Variants in GJC1 observed in about 807,000 individuals in gnomAD.
GJC1 encodes gap junction gamma-1 protein.
GJC1 carries 5 observed loss-of-function variants against 29.3 expected under a neutral mutation model. The ratio of observed to expected loss-of-function variants is 0.17; its 90% CI spans 0.09 to 0.36. The LOEUF is 0.36. GJC1 is among the 10% of genes least tolerant of loss of function. GJC1 has a pLI of 1.00. For missense variants in GJC1, 310 were observed against 496.2 expected (o/e 0.62, Z 3.56); for synonymous variants, 177 against 183.3 (o/e 0.97, Z 0.28).
Position 44,804,768 on chromosome 17 carries a change from A to T in GJC1, c.1050T>A (p.Asp350Glu), listed in dbSNP as rs987627548. The change falls in exon 3 of 3, where the codon GAT becomes GAA. Residue 350 changes from aspartate (D) to glutamate (E), a missense_variant. Coordinates refer to ENST00000592524, the MANE Select transcript of GJC1 (RefSeq NM_005497.4). ...REIRMAQERL[D>E]LAVQAYSHQN... is the part of the protein sequence containing the mutation. ...GGTGACTGTAGGCCTGAACTGCCAGATCCAAGCGTTCCTGAGCCATCCTGA... is the reference window on the plus strand; with the variant it reads ...GGTGACTGTAGGCCTGAACTGCCAGTTCCAAGCGTTCCTGAGCCATCCTGA... 1.6e-5 allele frequency: 26 copies of T among 1,614,016 alleles called. No homozygotes were observed. Among genetic ancestry groups the T allele is most frequent in the Non-Finnish European group, 2.1e-5 (25 of 1,180,034 alleles).
chr17:44,806,350 C>T (rs1203209706), intron 2 of GJC1, among the ~76,000 whole-genome samples: 2 of 151,000 alleles, frequency 1.3e-5, no homozygotes, highest in East Asian at 3.9e-4. Flanking sequence ...AAAAGGTAAA[C>T]TTGTAGCTAC....
In GJC1 at chr17:44,814,265, C is replaced by T. The variant is rs140236251; in HGVS notation, c.-96-6796G>A. On this transcript the variant is annotated intron_variant, in intron 1 of 2. Transcript: ENST00000592524. ...ATGCCATTCTCCCGCCTCAGCCTCC[C>T]GAGAAGCTGGGACTACAGGTGCCCG... Among the ~76,000 whole-genome samples, 1,116 of 151,966 alleles carry T rather than the reference C, an allele frequency of 7.3e-3. 14 individuals are homozygous for T. Among genetic ancestry groups the T allele is most frequent in the East Asian group, 0.035 (179 of 5,136 alleles).
chr17:44,805,098 G>A lies in GJC1; in HGVS notation c.720C>T (p.Gly240=). 6.2e-7 allele frequency: 1 copy of A among 1,613,962 alleles called. No homozygotes were observed. Among genetic ancestry groups the A allele is most frequent in the Non-Finnish European group, 8.5e-7 (1 of 1,179,860 alleles). The change falls in exon 3 of 3, where the codon GGC becomes GGT. Residue 240 remains glycine, a synonymous_variant. Coordinates refer to ENST00000592524, the MANE Select transcript of GJC1 (RefSeq NM_005497.4). This position sits in a 1 kb window ranked among gnomAD's most constrained non-coding sequence, Gnocchi z 5.1. The part of the protein sequence containing the change: ...IFLLIMYGVT[G]LCLLLNIWEM... ...CCCAAATGTTAAGCAAGAGGCAAAG[G>A]CCTGTAACACCATACATTATCAGAA...
rs763785219 is a variant in GJC1 at position 44,804,988 on chromosome 17, T to A, written c.830A>T (p.Tyr277Phe). ...AGATGGTGTATTCCAAGTGAAAGGA[T>A]AATTATAAGCACCCGGATCCTCAAG... ...RELEDPGAYN[Y>F]PFTWNTPSAP... is the part of the protein sequence containing the mutation. Residue 277 changes from tyrosine (Y) to phenylalanine (F), a missense_variant, in exon 3 of 3, where the codon TAT becomes TTT. Physicochemically the swap from Tyr to Phe is conservative, Grantham distance 22 (BLOSUM62 3). Coordinates refer to ENST00000592524, the MANE Select transcript of GJC1 (RefSeq NM_005497.4). The A allele has an allele frequency of 2.5e-6, 4 of 1,614,070 alleles. No homozygotes were observed. Among genetic ancestry groups the A allele is most frequent in the Non-Finnish European group, 3.4e-6 (4 of 1,179,992 alleles).
intron 1 of GJC1, among the ~76,000 whole-genome samples, chr17:44,811,680 C>T (rs2049983363): frequency 6.6e-6 from 1 of 152,100 alleles, no homozygotes; most frequent in South Asian, 2.1e-4. Flanking sequence ...AGCCACTATG[C>T]CTGGCCTCTT....
chr17:44,809,553 A>G (rs1248469938), intron 1 of GJC1, among the ~76,000 whole-genome samples: 2 of 151,752 alleles, frequency 1.3e-5, no homozygotes, highest in Admixed American at 6.6e-5. Flanking sequence ...ATCTCCATCC[A>G]CAAAGATAAA....
Position 44,804,984 on chromosome 17 carries a change from A to T in GJC1, c.834T>A (p.Pro278=). The T allele has an allele frequency of 6.2e-7, 1 of 1,614,112 alleles. No homozygotes were observed. Among genetic ancestry groups the T allele is most frequent in the Non-Finnish European group, 8.5e-7 (1 of 1,179,994 alleles). ...ELEDPGAYNY[P]FTWNTPSAPP... The stretch of plus-strand genomic sequence containing the variant: ...GAGCAGATGGTGTATTCCAAGTGAA[A>T]GGATAATTATAAGCACCCGGATCCT... Residue 278 remains proline (P), a synonymous_variant, in exon 3 of 3, where the codon CCT becomes CCA. Transcript: ENST00000592524.
Position 44,804,759 on chromosome 17 carries a change from AACTGCC to A in GJC1, c.1053_1058del (p.Ala352_Val353del). 1.2e-6 allele frequency: 2 copies of A among 1,614,130 alleles called. No individual in the cohort carries two copies. Among genetic ancestry groups the A allele is most frequent in the Non-Finnish European group, 1.7e-6 (2 of 1,180,024 alleles). ...GGTTGTTTTGGTGACTGTAGGCCTG[AACTGCC>A]AGATCCAAGCGTTCCTGAGCCATCC... On this transcript the variant is annotated inframe_deletion, in exon 3 of 3. Transcript: ENST00000592524.
rs150803537 is a variant in GJC1, at chr17:44,817,546, A to G, written c.-96-10077T>C. 3.4e-3 allele frequency among the ~76,000 whole-genome samples: 523 copies of G among 152,032 alleles called. 4 individuals carry two copies. Among genetic ancestry groups the G allele is most frequent in the African/African-American group, 0.012 (499 of 41,478 alleles). On this transcript the variant is annotated intron_variant, in intron 1 of 2. Transcript: ENST00000592524. Reference sequence around the variant, plus strand: ...ACCAAGATGGAGAAACCCTGTCTCTACTAAAAATACAATATTAGCCAGGCG... The same window carrying G: ...ACCAAGATGGAGAAACCCTGTCTCTGCTAAAAATACAATATTAGCCAGGCG...
rs1166235900 is a variant in GJC1, at chr17:44,799,134, G to C, written c.*5493C>G. On this transcript the variant is annotated 3_prime_UTR_variant, in exon 3 of 3. Transcript: ENST00000592524. Reference sequence around the variant, plus strand: ...CTGCCTTGGCCTCCCAAAGTGTTGGGATTACAGGCATAAGCCACCACACCC... The same window carrying C: ...CTGCCTTGGCCTCCCAAAGTGTTGGCATTACAGGCATAAGCCACCACACCC... 1 of 152,198 alleles carries C rather than the reference G, an allele frequency of 6.6e-6. No homozygotes were observed. Among genetic ancestry groups the C allele is most frequent in the Non-Finnish European group, 1.5e-5 (1 of 68,102 alleles). 9.4% of individuals were successfully genotyped at this position (152,198 alleles called of 1,614,324 possible). A position where few individuals can be genotyped will look rare whatever the true frequency, so the allele number is the denominator to read the frequency against.
chr17:44,804,662 T>C lies in GJC1; in HGVS notation c.1156A>G (p.Lys386Glu). 6.2e-7 allele frequency: 1 copy of C among 1,613,978 alleles called. No homozygotes were observed. Among genetic ancestry groups the C allele is most frequent in the Non-Finnish European group, 8.5e-7 (1 of 1,179,928 alleles). Residue 386 changes from lysine to glutamate, a missense_variant, in exon 3 of 3, where the codon AAA (lysine) becomes GAA (glutamate). Transcript: ENST00000592524. ...AGSNKSTASS[K>E]SGDGKTSVWI ...ACGGAGGTCTTCCCATCCCCTGATT[T>C]GCTACTGGCAGTGCTTTTGTTGGAC... is the stretch of plus-strand genomic sequence containing the variant.
At chr17:44,813,529 G>A (rs1482615635) in intron 1 of GJC1, among the ~76,000 whole-genome samples, 1 of 112,892 alleles carries the variant, frequency 8.9e-6, no homozygotes, top group Non-Finnish European at 1.7e-5. Context: ...GTCTCTCTCT[G>A]TCGCCCAGGC....
rs2049901306 is a variant in GJC1, at chr17:44,805,367, C to T, written c.451G>A (p.Glu151Lys). The T allele has an allele frequency of 1.9e-6, 3 of 1,614,072 alleles. No individual in the cohort carries two copies. The highest frequency in any genetic ancestry group is 1.3e-5 in the African/African-American group (1 of 74,928). Residue 151 changes from glutamate to lysine, a missense_variant, in exon 3 of 3, where the codon GAA becomes AAA. Glu to Lys is a moderately conservative substitution (Grantham distance 56). Transcript: ENST00000592524. This position sits in a 1 kb window ranked among gnomAD's most constrained non-coding sequence, Gnocchi z 5.1. The part of the protein sequence containing the change: ...YPEMELESDK[E>K]NKEQSQPKPK... ...TTGGGTTGGCTCTGCTCTTTATTTT[C>T]CTTATCACTTTCTAACTCCATCTCT... is the stretch of plus-strand genomic sequence containing the variant.
downstream of GJC1, among the ~76,000 whole-genome samples, chr17:44,796,246 C>G (rs900020358): frequency 3.9e-5 from 6 of 152,234 alleles, no homozygotes; most frequent in African/African-American, 7.2e-5. Context: ...TCCCTTCCCC[C>G]CTTCCATATC....
chr17:44,821,356 T>A (rs1225356366), intron 1 of GJC1, among the ~76,000 whole-genome samples: 1 of 152,046 alleles, frequency 6.6e-6, no homozygotes, highest in Non-Finnish European at 1.5e-5. Context: ...ATGTATGATT[T>A]TCCAATATGA....
At chr17:44,827,047 C>A (rs2050183815) in intron 1 of GJC1, among the ~76,000 whole-genome samples, 1 of 152,172 alleles carries the variant, frequency 6.6e-6, no homozygotes. Context: ...CGGTGGCTCA[C>A]ACCTGTAATC....
At chr17:44,812,849 A>C (rs1278551246) in intron 1 of GJC1, among the ~76,000 whole-genome samples, 1 of 151,574 alleles carries the variant, frequency 6.6e-6, no homozygotes, top group Non-Finnish European at 1.5e-5. Context: ...GGGTTTCACC[A>C]CATTAACCGG....
chr17:44,824,073 T>C (rs1407187569), intron 1 of GJC1, among the ~76,000 whole-genome samples: 1 of 151,786 alleles, frequency 6.6e-6, no homozygotes, highest in Non-Finnish European at 1.5e-5. Flanking sequence ...AGCGGCACAA[T>C]CTCAGCTCAC....
chr17:44,825,186 T>TAAAAAAAA, intron 1 of GJC1, among the ~76,000 whole-genome samples: 1 of 24,176 alleles, frequency 4.1e-5, no homozygotes, highest in Middle Eastern at 0.028. Context: ...CTGTCTCAAT[T>TAAAAAAAA]ACAAAAAAAA....
Sources: allele counts gnomAD v4.1 joint callset (sites outside exome capture counted in the v4.1 genomes callset), GRCh38; gene constraint gnomAD v4.1.1; non-coding constraint Gnocchi (gnomAD v3.1); transcripts MANE v1.5; gene names NCBI Gene and HGNC (gene_info 2026-07-23, HGNC 2026-07-21).